The following DLGAP1 variants were observed in gnomAD, a reference collection of about 807,000 sequenced individuals.
DLGAP1 encodes DLG associated protein 1.
Under a neutral mutation model 90.8 loss-of-function variants are expected in DLGAP1, and 11 were observed. The ratio of observed to expected loss-of-function variants is 0.12; its 90% CI spans 0.08 to 0.20. The LOEUF (loss-of-function observed/expected upper bound fraction) is 0.20. Ranked by LOEUF, DLGAP1 falls within the 10% of genes least tolerant of loss-of-function variation. The pLI is 1.00. For missense variants in DLGAP1, 1,050 were observed against 1,333.8 expected (o/e 0.79, Z 3.31); for synonymous variants, 558 against 540.7 (o/e 1.03, Z -0.44).
Position 3,967,662 on chromosome 18 carries a change from G to A in DLGAP1, c.-73+37454C>T, listed in dbSNP as rs1247319654. Reference sequence around the variant, plus strand: ...TCTAAAGAGAAAGTGTAAAACAGATGTAATGGTAGTATTGATCACTCTCTG... The same window carrying A: ...TCTAAAGAGAAAGTGTAAAACAGATATAATGGTAGTATTGATCACTCTCTG... On this transcript the variant is annotated intron_variant, in intron 3 of 12. Coordinates refer to ENST00000315677, the MANE Select transcript of DLGAP1 (RefSeq NM_004746.4). Among the ~76,000 whole-genome samples the A allele has an allele frequency of 3.3e-5, 5 of 152,216 alleles. No homozygotes were observed. The East Asian group carries it at 9.6e-4, about 29-fold the overall frequency.
chr18:4,319,893 C>T (rs1236718207), intron 1 of DLGAP1, among the ~76,000 whole-genome samples: 1 of 152,154 alleles, frequency 6.6e-6, no homozygotes, highest in Non-Finnish European at 1.5e-5. Flanking sequence ...TGCCTCTTCT[C>T]TCCTCAATTC....
chr18:3,744,395 G>A (rs972834061), intron 5 of DLGAP1, among the ~76,000 whole-genome samples: 15 of 151,860 alleles, frequency 9.9e-5, no homozygotes, highest in Non-Finnish European at 8.8e-5. Flanking sequence ...AAAAAGAAAC[G>A]CATCAAATTT....
chr18:3,647,290 C>CTA (rs1487262988), intron 7 of DLGAP1, among the ~76,000 whole-genome samples: 1 of 144,188 alleles, frequency 6.9e-6, no homozygotes, highest in African/African-American at 2.6e-5. Flanking sequence ...ATATACATGT[C>CTA]TATATATATA....
At chr18:3,996,188 T>C (rs938750033) in intron 3 of DLGAP1, among the ~76,000 whole-genome samples, 2 of 152,178 alleles carry the variant, frequency 1.3e-5, no homozygotes, top group Non-Finnish European at 2.9e-5. Context: ...TATTATGTTT[T>C]AATTGAAAAA....
intron 5 of DLGAP1, among the ~76,000 whole-genome samples, chr18:3,752,537 C>T (rs1232552290): frequency 1.4e-4 from 15 of 105,216 alleles, no homozygotes; most frequent in Non-Finnish European, 2.5e-4. Context: ...CTCCGTTCCT[C>T]CCTCCCTCCC....
intron 1 of DLGAP1, among the ~76,000 whole-genome samples, chr18:4,192,900 AT>A (rs2077427968): frequency 6.6e-6 from 1 of 152,230 alleles, no homozygotes; most frequent in Admixed American, 6.5e-5. Context: ...AAAGACAGGA[AT>A]TACCTTCTCA....
intron 2 of DLGAP1, among the ~76,000 whole-genome samples, chr18:4,114,781 T>C (rs2076033854): frequency 6.6e-6 from 1 of 152,154 alleles, no homozygotes; most frequent in African/African-American, 2.4e-5. Flanking sequence ...CTAGCTCTTT[T>C]AAGGTTTCTG....
At chr18:3,516,796 A>T (rs1353399809) in intron 10 of DLGAP1, among the ~76,000 whole-genome samples, 2 of 152,078 alleles carry the variant, frequency 1.3e-5, no homozygotes, top group Admixed American at 1.3e-4. Flanking sequence ...GTATAGGGGA[A>T]CCACCCCCAT....
At chr18:4,036,414 G>T (rs543945081) in intron 2 of DLGAP1, among the ~76,000 whole-genome samples, 2 of 152,252 alleles carry the variant, frequency 1.3e-5, no homozygotes, top group Admixed American at 1.3e-4. Context: ...AGTTAGAAAA[G>T]ATTTTTTAAC....
chr18:4,343,272 A>G (rs1046021324), intron 1 of DLGAP1, among the ~76,000 whole-genome samples: 1 of 148,874 alleles, frequency 6.7e-6, no homozygotes. Flanking sequence ...GTGCCACTGC[A>G]CTCCAGCCTG....
chr18:4,451,384 T>C lies in DLGAP1; in HGVS notation c.-267+3622A>G, dbSNP rs570274118. Among the ~76,000 whole-genome samples, 6 of 152,334 alleles carry C rather than the reference T, an allele frequency of 3.9e-5. No individual in the cohort carries two copies. In the South Asian group the frequency reaches 1.2e-3, roughly 32 times the overall value. ...GGAAAGGTGTAGCAAATATACAGTA[T>C]ACAGCATTGTATAAGCTAAATAGTT... On this transcript the variant is annotated intron_variant, in intron 1 of 12. Coordinates refer to ENST00000315677, the MANE Select transcript of DLGAP1 (RefSeq NM_004746.4).
chr18:4,353,119 C>T (rs2144003379), intron 1 of DLGAP1, among the ~76,000 whole-genome samples: 1 of 152,326 alleles, frequency 6.6e-6, no homozygotes, highest in South Asian at 2.1e-4. Context: ...GAATTTGTAG[C>T]ATTTAAAATA....
intron 1 of DLGAP1, among the ~76,000 whole-genome samples, chr18:4,236,068 C>T (rs767890912): frequency 6.6e-6 from 1 of 152,066 alleles, no homozygotes; most frequent in Non-Finnish European, 1.5e-5. Flanking sequence ...AACTTTAGGA[C>T]CAGATTGCCT....
intron 2 of DLGAP1, among the ~76,000 whole-genome samples, chr18:4,112,666 G>C (rs1042425219): frequency 1.3e-5 from 2 of 152,078 alleles, no homozygotes; most frequent in Non-Finnish European, 2.9e-5. Flanking sequence ...TTTGTTACCT[G>C]GGAATATTGT....
At chr18:3,663,366 GAAT>G (rs1207863597) in intron 7 of DLGAP1, among the ~76,000 whole-genome samples, 1 of 152,292 alleles carries the variant, frequency 6.6e-6, no homozygotes, top group East Asian at 1.9e-4. Flanking sequence ...CAGAAGATGT[GAAT>G]AATTTGTGTC....
At chr18:3,509,771 C>T (rs750789934) in intron 10 of DLGAP1, among the ~76,000 whole-genome samples, 9 of 152,200 alleles carry the variant, frequency 5.9e-5, no homozygotes, top group Admixed American at 6.5e-5. Context: ...ATAAGAAACT[C>T]CATTCTGGCC....
At chr18:4,051,659 C>G (rs1205041422) in intron 2 of DLGAP1, among the ~76,000 whole-genome samples, 1 of 152,136 alleles carries the variant, frequency 6.6e-6, no homozygotes, top group African/African-American at 2.4e-5. Flanking sequence ...AATCTCATGT[C>G]CTCATATTTC....
intron 3 of DLGAP1, among the ~76,000 whole-genome samples, chr18:3,955,183 C>T (rs920452436): frequency 1.3e-5 from 2 of 152,086 alleles, no homozygotes; most frequent in Non-Finnish European, 2.9e-5. Flanking sequence ...GTTTATGGGG[C>T]AATGGGTAGT....
At chr18:3,649,464 T>C (rs758908224) in intron 7 of DLGAP1, among the ~76,000 whole-genome samples, 1 of 152,334 alleles carries the variant, frequency 6.6e-6, no homozygotes, top group African/African-American at 2.4e-5. Context: ...CTCTCAGCAG[T>C]GTGCTACACC....
Sources: allele counts gnomAD v4.1 joint callset (sites outside exome capture counted in the v4.1 genomes callset), GRCh38; gene constraint gnomAD v4.1.1; transcripts MANE v1.5; gene names NCBI Gene and HGNC (gene_info 2026-07-23, HGNC 2026-07-21).